The following LTBP2 variants were observed in gnomAD, a reference collection of about 807,000 sequenced individuals.
The protein encoded by LTBP2 is latent-transforming growth factor beta-binding protein 2.
In LTBP2, 103 loss-of-function variants were observed where a neutral mutation model predicts 210.6. The observed-to-expected ratio is 0.49, with a 90% CI of 0.42 to 0.58. LTBP2 has a LOEUF of 0.58. Ranked by LOEUF, LTBP2 falls within the 20% of genes least tolerant of loss-of-function variation. LTBP2 has a pLI of 0.00. For missense variants in LTBP2, 2,313 were observed against 2,494.5 expected (o/e 0.93, Z 1.55); for synonymous variants, 1,007 against 1,015.0 (o/e 0.99, Z 0.15).
At chr14:74,516,759 T>C in intron 18 of LTBP2, 63 bp downstream of exon 18, 1 of 1,484,310 alleles carries the variant, frequency 6.7e-7, no homozygotes. Context: ...TGGTGGGCAG[T>C]GCGTAGGGAG....
chr14:74,562,868 C>T (rs991110146), intron 3 of LTBP2, among the ~76,000 whole-genome samples: 3 of 152,210 alleles, frequency 2.0e-5, no homozygotes, highest in Non-Finnish European at 4.4e-5. Flanking sequence ...CGTCTATCCA[C>T]ATCCCAATGC....
At chr14:74,549,341 CAT>C (rs1219177764) in intron 8 of LTBP2, among the ~76,000 whole-genome samples, 117 of 152,228 alleles carry the variant, frequency 7.7e-4, no homozygotes, top group East Asian at 2.3e-3. Flanking sequence ...TGAATTAACA[CAT>C]GTTAGGTTTT....
chr14:74,506,290 C>A (rs909443478), intron 27 of LTBP2, 99 bp from the exon 28 acceptor site: 12 of 1,505,520 alleles, frequency 8.0e-6, no homozygotes, highest in Non-Finnish European at 1.1e-5. Flanking sequence ...CAGGCTAGGC[C>A]TTGGGGAAGA....
At chr14:74,553,717 A>G (rs2087690583) in intron 4 of LTBP2, among the ~76,000 whole-genome samples, 1 of 152,162 alleles carries the variant, frequency 6.6e-6, no homozygotes, top group Non-Finnish European at 1.5e-5. Context: ...AGGTCATGGC[A>G]GCAGTGCAAG....
At chr14:74,546,865 C>T (rs1417552996) in intron 8 of LTBP2, among the ~76,000 whole-genome samples, 1 of 152,250 alleles carries the variant, frequency 6.6e-6, no homozygotes, top group African/African-American at 2.4e-5. Context: ...AGTGGGCGAG[C>T]AGGTAGCTGC....
Position 74,501,004 on chromosome 14 carries a change from G to A in LTBP2, c.5346C>T (p.Asn1782=), listed in dbSNP as rs141540101. ...CATGGACACAGAGCACAGCAGGCCC[G>A]TTCAAGTCATCACACTCATTCACAT... ...CVDVNECDDL[N]GPAVLCVHGY... The change falls in exon 36 of 36, where the codon AAC becomes AAT. Residue 1782 remains asparagine (N), a synonymous_variant. Transcript: ENST00000261978. 58 of 1,613,780 alleles carry A rather than the reference G, an allele frequency of 3.6e-5. No homozygotes were observed. The highest frequency in any genetic ancestry group is 1.1e-4 in the African/African-American group (8 of 74,928).
intron 14 of LTBP2, 100 bp downstream of exon 14, chr14:74,525,975 G>T: frequency 1.6e-6 from 2 of 1,256,042 alleles, no homozygotes; most frequent in Non-Finnish European, 2.3e-6. Flanking sequence ...TGATGTGTGT[G>T]TGAGCGTGAA....
At chr14:74,587,469 A>T (rs900873011) in intron 2 of LTBP2, among the ~76,000 whole-genome samples, 12 of 151,652 alleles carry the variant, frequency 7.9e-5, no homozygotes, top group African/African-American at 2.9e-4. Flanking sequence ...CACCTCTCTG[A>T]AGAGAGAGAT....
intron 17 of LTBP2, 23 bp from the exon 18 acceptor site, chr14:74,516,964 T>G (rs375244942): frequency 1.3e-6 from 2 of 1,549,842 alleles, no homozygotes; most frequent in Non-Finnish European, 1.7e-6. Context: ...AGAAAAGCCC[T>G]GAGTCACAGC....
At chr14:74,604,164 C>CAAACAAAAAAAAAAAAAAAAAAAAAAAA (rs1273987376) in intron 1 of LTBP2, among the ~76,000 whole-genome samples, 2 of 72,738 alleles carry the variant, frequency 2.7e-5, no homozygotes, top group African/African-American at 1.5e-4. Context: ...TGCCTCTCAC[C>CAAACAAAAAAAAAAAAAAAAAAAAAAAA]AAAAAAAAAA....
rs537908823 is a variant in LTBP2, at chr14:74,528,568, G to A, written c.2283C>T (p.Ser761=). The A allele has an allele frequency of 3.5e-5, 57 of 1,613,184 alleles. No homozygotes were observed. The highest frequency in any genetic ancestry group is 5.5e-5 in the South Asian group (5 of 91,070). ...RPPREQGQRS[S]GALPGPAERQ... is the part of the protein sequence containing the mutation. Reference sequence around the variant, plus strand: ...TCTCTGCTGGCCCGGGCAGTGCCCCGCTGCTCCTCTGCCCTTGCTCCCTTG... The same window carrying A: ...TCTCTGCTGGCCCGGGCAGTGCCCCACTGCTCCTCTGCCCTTGCTCCCTTG... The change falls in exon 12 of 36, where the codon AGC becomes AGT. Residue 761 remains serine (S), a synonymous_variant. Transcript: ENST00000261978.
At chr14:74,570,314 C>T (rs2087958813) in intron 3 of LTBP2, among the ~76,000 whole-genome samples, 1 of 152,202 alleles carries the variant, frequency 6.6e-6, no homozygotes, top group Admixed American at 6.5e-5. Flanking sequence ...CATGCACAAG[C>T]TTAGCAGGTC....
chr14:74,577,233 C>T (rs960107864), intron 3 of LTBP2, among the ~76,000 whole-genome samples: 3 of 152,160 alleles, frequency 2.0e-5, no homozygotes, highest in Non-Finnish European at 4.4e-5. Flanking sequence ...GCTCAACCCT[C>T]GGAGGCCACC....
At chr14:74,552,558 G>C in intron 5 of LTBP2, 165 bp from the exon 6 acceptor site, 1 of 717,714 alleles carries the variant, frequency 1.4e-6, no homozygotes, top group East Asian at 2.7e-5. Flanking sequence ...TTCATGTAGA[G>C]TGAAGAAGAG....
At chr14:74,600,258 G>A (rs746053259) in intron 2 of LTBP2, among the ~76,000 whole-genome samples, 8 of 152,218 alleles carry the variant, frequency 5.3e-5, no homozygotes, top group Non-Finnish European at 7.3e-5. Flanking sequence ...TGCCACGGGC[G>A]AGCCAACTTC....
rs1272502176 is a variant in LTBP2, at chr14:74,503,582, G to A, written c.4607C>T (p.Ala1536Val). ...GTTGACGCACTCGCCATTCTCACAGGCCAGGTCCTGGCACTCATCGTGATC... is the reference window on the plus strand; with the variant it reads ...GTTGACGCACTCGCCATTCTCACAGACCAGGTCCTGGCACTCATCGTGATC... ...CEDHDECQDL[A>V]CENGECVNTE... Residue 1536 changes from alanine (A) to valine (V), a missense_variant, in exon 32 of 36, where the codon GCC (alanine) becomes GTC (valine). This residue lies in a region of LTBP2 where 443 missense variants were observed against 501.4 expected (regional missense o/e 0.88). Transcript: ENST00000261978. 2 of 1,613,816 alleles carry A rather than the reference G, an allele frequency of 1.2e-6. No homozygotes were observed. The highest frequency in any genetic ancestry group is 1.7e-6 in the Non-Finnish European group (2 of 1,180,032).
At chr14:74,544,599 C>G (rs1371668566) in intron 8 of LTBP2, among the ~76,000 whole-genome samples, 1 of 152,150 alleles carries the variant, frequency 6.6e-6, no homozygotes, top group East Asian at 1.9e-4. Context: ...CCATCCTCCC[C>G]AGGGGCTGGC....
intron 17 of LTBP2, among the ~76,000 whole-genome samples, chr14:74,517,211 C>G (rs1185171026): frequency 1.3e-5 from 2 of 152,130 alleles, no homozygotes; most frequent in African/African-American, 4.8e-5. Context: ...ACAACTGTTT[C>G]CTCACCCTCA....
intron 3 of LTBP2, among the ~76,000 whole-genome samples, chr14:74,574,199 T>TGA (rs1164748803): frequency 6.6e-6 from 1 of 152,226 alleles, no homozygotes; most frequent in Admixed American, 6.5e-5. Flanking sequence ...AATGCTGCAC[T>TGA]GCTAAAGTTA....
Sources: allele counts gnomAD v4.1 joint callset (sites outside exome capture counted in the v4.1 genomes callset), GRCh38; gene constraint gnomAD v4.1.1; regional missense constraint gnomAD v4.1.1; transcripts MANE v1.5; gene names NCBI Gene and HGNC (gene_info 2026-07-23, HGNC 2026-07-21).